The following TRDN variants were observed in gnomAD, a reference collection of about 807,000 sequenced individuals.
The protein encoded by TRDN is triadin in skeletal muscle.
Under a neutral mutation model 149.7 loss-of-function variants are expected in TRDN, and 161 were observed. The ratio of observed to expected loss-of-function variants is 1.08; its 90% confidence interval spans 0.95 to 1.23. The LOEUF (loss-of-function observed/expected upper bound fraction) is 1.23. Among genes scored for constraint, TRDN ranks in the 50% most tolerant of loss-of-function variants. TRDN has a pLI of 0.00. For synonymous variants in TRDN, 294 were observed against 250.5 expected, an observed-to-expected ratio of 1.17 and a Z score of -1.64; for missense variants, 896 against 823.5, an observed-to-expected ratio of 1.09 and a Z score of -1.08.
intron 2 of TRDN, among the ~76,000 whole-genome samples, chr6:123,560,976 C>G (rs1260202220): frequency 3.3e-5 from 5 of 152,160 alleles, no homozygotes; most frequent in Non-Finnish European, 7.4e-5. Flanking sequence ...CCCTTTCCTA[C>G]ACATCAAGCT....
chr6:123,418,453 T>C (rs1773748272), intron 12 of TRDN: 1 of 152,024 alleles, frequency 6.6e-6, no homozygotes, highest in African/African-American at 2.4e-5. Context: ...AAGTTTCCAT[T>C]CTTTCTTTTT....
At chr6:123,562,056 C>T (rs952007516) in intron 2 of TRDN, among the ~76,000 whole-genome samples, 1 of 152,126 alleles carries the variant, frequency 6.6e-6, no homozygotes, top group Non-Finnish European at 1.5e-5. Flanking sequence ...GTGAAAATGT[C>T]CGGTCCCTGC....
chr6:123,599,989 A>G (rs1784209775), intron 1 of TRDN, among the ~76,000 whole-genome samples: 1 of 151,822 alleles, frequency 6.6e-6, no homozygotes, highest in African/African-American at 2.4e-5. Context: ...TTATGTTTCC[A>G]GATCTCCCAT....
At chr6:123,502,191 T>C (rs1778728220) in intron 8 of TRDN, 1 of 984,018 alleles carries the variant, frequency 1.0e-6, no homozygotes, top group Non-Finnish European at 1.2e-6. Context: ...ATCATACCAG[T>C]GAATCCAAAG....
intron 10 of TRDN, among the ~76,000 whole-genome samples, chr6:123,444,446 T>C (rs537877907): frequency 6.7e-6 from 1 of 149,592 alleles, no homozygotes; most frequent in East Asian, 2.0e-4. Flanking sequence ...TTTCTAGATA[T>C]ACAATCATGT....
At chr6:123,532,734 G>A (rs1780308373) in intron 4 of TRDN, among the ~76,000 whole-genome samples, 1 of 142,670 alleles carries the variant, frequency 7.0e-6, no homozygotes, top group Non-Finnish European at 1.6e-5. Context: ...AATTCAATAA[G>A]ATATATGATT....
At chr6:123,593,747 A>G (rs1321168369) in intron 1 of TRDN, among the ~76,000 whole-genome samples, 1 of 152,214 alleles carries the variant, frequency 6.6e-6, no homozygotes, top group Non-Finnish European at 1.5e-5. Flanking sequence ...CACTATGACC[A>G]ATTAAGATCA....
intron 32 of TRDN, among the ~76,000 whole-genome samples, chr6:123,267,460 C>T (rs1027602568): frequency 1.3e-5 from 2 of 152,096 alleles, no homozygotes; most frequent in East Asian, 1.9e-4. Context: ...TTGGAAGGAA[C>T]TTGTGAATCA....
At chr6:123,395,592 C>T (rs1690916404) in intron 12 of TRDN, among the ~76,000 whole-genome samples, 2 of 152,168 alleles carry the variant, frequency 1.3e-5, no homozygotes, top group South Asian at 4.1e-4. Flanking sequence ...CCTAAGCCTT[C>T]CCTGCCCCTC....
At chr6:123,495,013 C>T (rs1778382990) in intron 9 of TRDN, among the ~76,000 whole-genome samples, 1 of 151,958 alleles carries the variant, frequency 6.6e-6, no homozygotes, top group African/African-American at 2.4e-5. Context: ...GCATTATAGG[C>T]ATGACCCACC....
chr6:123,571,125 T>G lies in TRDN; in HGVS notation c.30A>C (p.Ala10=). 6.2e-7 allele frequency: 1 copy of G among 1,613,816 alleles called. No individual in the cohort carries two copies. Among genetic ancestry groups the G allele is most frequent in the African/African-American group, 1.3e-5 (1 of 75,038 alleles). The change falls in exon 2 of 41, where the codon GCA becomes GCC. Residue 10 remains alanine, a synonymous_variant. Coordinates refer to ENST00000334268, the MANE Select transcript of TRDN (RefSeq NM_006073.4). MTEITAEGN[A]STTTTVIDSK... ...TGTCTATCACAGTTGTGGTTGTAGA[T>G]GCATTTCCTAATCAAACATTCAGAA...
At chr6:123,548,335 G>A in intron 3 of TRDN, 119 bp downstream of exon 3, 2 of 642,378 alleles carry the variant, frequency 3.1e-6, no homozygotes, top group Non-Finnish European at 2.3e-6. Flanking sequence ...AGTCAGAAGT[G>A]TATTCATTTT....
intron 38 of TRDN, among the ~76,000 whole-genome samples, chr6:123,241,651 C>T (rs181364705): frequency 6.6e-6 from 1 of 151,662 alleles, no homozygotes; most frequent in African/African-American, 2.4e-5. Context: ...ACATGGAAAT[C>T]CTAACTACTT....
At chr6:123,508,965 TATA>T (rs375544889) in intron 7 of TRDN, among the ~76,000 whole-genome samples, 27 of 152,226 alleles carry the variant, frequency 1.8e-4, no homozygotes, top group African/African-American at 2.6e-4. Context: ...ATTAATTTCT[TATA>T]ATAACATAAT....
intron 21 of TRDN, chr6:123,350,713 T>C (rs1318480225): frequency 1.2e-6 from 1 of 840,908 alleles, no homozygotes; most frequent in African/African-American, 1.8e-5. Flanking sequence ...TTTCCTATGA[T>C]TGTTATGATT....
intron 4 of TRDN, among the ~76,000 whole-genome samples, chr6:123,545,117 T>C (rs1781048979): frequency 6.6e-6 from 1 of 151,898 alleles, no homozygotes. Context: ...ATTTAGGCAA[T>C]AAAAAATGAC....
chr6:123,396,324 C>A (rs773282151), intron 12 of TRDN, among the ~76,000 whole-genome samples: 3 of 152,286 alleles, frequency 2.0e-5, no homozygotes, highest in African/African-American at 7.2e-5. Flanking sequence ...GTTTCCAACA[C>A]CTACTACAGT....
intron 9 of TRDN, among the ~76,000 whole-genome samples, chr6:123,496,855 T>C (rs1170251892): frequency 5.3e-5 from 8 of 152,110 alleles, no homozygotes; most frequent in Non-Finnish European, 8.8e-5. Flanking sequence ...ATTTTCATTG[T>C]CGTGGGTCTT....
At chr6:123,513,438 CT>C (rs200887822) in intron 6 of TRDN, among the ~76,000 whole-genome samples, 8 of 151,348 alleles carry the variant, frequency 5.3e-5, no homozygotes, top group Non-Finnish European at 1.0e-4. Flanking sequence ...AAATTCCTAA[CT>C]TTTTTTTTAA....
Sources: allele counts gnomAD v4.1 joint callset (sites outside exome capture counted in the v4.1 genomes callset), GRCh38; gene constraint gnomAD v4.1.1; transcripts MANE v1.5; gene names NCBI Gene and HGNC (gene_info 2026-07-23, HGNC 2026-07-21).